Variants in GNRHR observed in about 807,000 individuals in gnomAD.
GNRHR encodes gonadotropin-releasing hormone receptor.
In GNRHR, 14 loss-of-function variants were observed where a neutral mutation model predicts 28.1. The ratio of observed to expected loss-of-function variants is 0.50; its 90% CI spans 0.33 to 0.78. GNRHR has a LOEUF of 0.78. Ranked by LOEUF, GNRHR falls within the 30% of genes least tolerant of loss-of-function variation. GNRHR has a pLI of 0.02. For missense variants in GNRHR, 366 were observed against 382.1 expected (o/e 0.96, Z 0.35); for synonymous variants, 141 against 140.5 (o/e 1.00, Z -0.02).
intron 2 of GNRHR, among the ~76,000 whole-genome samples, chr4:67,741,838 T>G (rs1731666833): frequency 6.6e-6 from 1 of 152,208 alleles, no homozygotes; most frequent in Non-Finnish European, 1.5e-5. Flanking sequence ...TCTTGGCCAT[T>G]TGTATATCTT....
intron 2 of GNRHR, among the ~76,000 whole-genome samples, chr4:67,744,095 T>A (rs2319661): frequency 0.027 from 4,103 of 152,334 alleles, 94 homozygotes; most frequent in East Asian, 0.11. Context: ...GAAATAATCA[T>A]TTACATAGTC....
intron 1 of GNRHR, among the ~76,000 whole-genome samples, chr4:67,749,959 C>T (rs1307024978): frequency 6.6e-6 from 1 of 152,010 alleles, no homozygotes; most frequent in African/African-American, 2.4e-5. Context: ...TGTACTTTTT[C>T]TTTCCTGACT....
chr4:67,740,658 A>G lies in GNRHR; in HGVS notation c.809T>C (p.Val270Ala). The change falls in exon 3 of 3, where the codon GTT becomes GCT. Residue 270 changes from valine to alanine, a missense_variant. Coordinates refer to ENST00000226413, the MANE Select transcript of GNRHR (RefSeq NM_000406.3). ...GACAGTAAATGAAGTGGCAAATGCA[A>G]CCGTCATTTTTAGAGTCTTCAGCCG... is the stretch of plus-strand genomic sequence containing the variant. The part of the protein sequence containing the change: ...RARLKTLKMT[V>A]AFATSFTVCW... The G allele has an allele frequency of 2.5e-6, 4 of 1,605,950 alleles. No homozygotes were observed. Among genetic ancestry groups the G allele is most frequent in the South Asian group, 1.1e-5 (1 of 90,948 alleles).
At chr4:67,741,046 A>C (rs1239985641) in intron 2 of GNRHR, among the ~76,000 whole-genome samples, 1 of 152,086 alleles carries the variant, frequency 6.6e-6, no homozygotes, top group Non-Finnish European at 1.5e-5. Context: ...CTTTCTTAAA[A>C]AAATTATTTT....
Position 67,744,741 on chromosome 4 carries a change from G to T in GNRHR, c.569C>A (p.Thr190Lys). The change falls in exon 2 of 3, where the codon ACA (threonine) becomes AAA (lysine). Residue 190 changes from threonine to lysine, a missense_variant. Thr to Lys is a moderately conservative substitution (Grantham distance 78). Coordinates refer to ENST00000226413, the MANE Select transcript of GNRHR (RefSeq NM_000406.3). ...TGTTACACATTGAGAGAAAACTTTT[G>T]TCTGTCCAGAGCTGTCTGCTAGATG... Reference protein sequence around the residue: ...MIHLADSSGQTKVFSQCVTHC... With the variant: ...MIHLADSSGQKKVFSQCVTHC... 1 of 1,608,552 alleles carries T rather than the reference G, an allele frequency of 6.2e-7. No homozygotes were observed. The highest frequency in any genetic ancestry group is 1.3e-5 in the African/African-American group (1 of 74,930).
At position 67,738,879 on chromosome 4, in the gene GNRHR, C is replaced by G. The variant is rs1025022848; in HGVS notation, c.*1601G>C. Reference sequence around the variant, plus strand: ...GTAGACAGAGGGAGTTCAATTGAGACAGAATTGGAAAGTAAGGTAGGATAT... The same window carrying G: ...GTAGACAGAGGGAGTTCAATTGAGAGAGAATTGGAAAGTAAGGTAGGATAT... On this transcript the variant is annotated 3_prime_UTR_variant, in exon 3 of 3. Transcript: ENST00000226413. 2.0e-5 allele frequency among the ~76,000 whole-genome samples: 3 copies of G among 151,528 alleles called. No individual in the cohort carries two copies. The highest frequency in any genetic ancestry group is 7.3e-5 in the African/African-American group (3 of 41,300).
At chr4:67,746,751 A>G (rs1731761595) in intron 1 of GNRHR, among the ~76,000 whole-genome samples, 1 of 151,956 alleles carries the variant, frequency 6.6e-6, no homozygotes, top group South Asian at 2.1e-4. Context: ...TTTTTTTTTA[A>G]AAGGCATACT....
Position 67,739,449 on chromosome 4 carries a change from C to T in GNRHR, c.*1031G>A, listed in dbSNP as rs1577865110. The T allele has an allele frequency of 2.0e-5, 3 of 152,134 alleles. No individual in the cohort carries two copies. Among genetic ancestry groups the T allele is most frequent in the Non-Finnish European group, 4.4e-5 (3 of 67,926 alleles). 9.4% of individuals were successfully genotyped at this position (152,134 alleles called of 1,614,324 possible). On this transcript the variant is annotated 3_prime_UTR_variant, in exon 3 of 3. Transcript: ENST00000226413. ...TAAGAAACCCTGCATCAAGATCTTTCCCTCCTTCCCCTGACATGTTCTGTC... is the reference window on the plus strand; with the variant it reads ...TAAGAAACCCTGCATCAAGATCTTTTCCTCCTTCCCCTGACATGTTCTGTC...
rs1731565715 is a variant in GNRHR at position 67,737,333 on chromosome 4, T to C, written c.*3147A>G. Among the ~76,000 whole-genome samples, 1 of 152,076 alleles carries C rather than the reference T, an allele frequency of 6.6e-6. No homozygotes were observed. The highest frequency in any genetic ancestry group is 1.5e-5 in the Non-Finnish European group (1 of 67,954). The stretch of plus-strand genomic sequence containing the variant: ...GACTAATTGTTTTAAACTTGATTCC[T>C]AATAATCATAAAAATGATAAGCAAG... On this transcript the variant is annotated 3_prime_UTR_variant, in exon 3 of 3. Coordinates refer to ENST00000226413, the MANE Select transcript of GNRHR (RefSeq NM_000406.3).
intron 1 of GNRHR, among the ~76,000 whole-genome samples, chr4:67,753,297 T>G: frequency 6.6e-6 from 1 of 152,210 alleles, no homozygotes; most frequent in East Asian, 1.9e-4. Context: ...CAAAGAATAA[T>G]TCTCTCTAAG....
Position 67,739,577 on chromosome 4 carries a change from A to G in GNRHR, c.*903T>C, listed in dbSNP as rs916397894. ...GCATTTGCTTAATTTTGTTTTAATT[A>G]TTCTCAGTTATTTATGAAATATGGA... On this transcript the variant is annotated 3_prime_UTR_variant, in exon 3 of 3. Coordinates refer to ENST00000226413, the MANE Select transcript of GNRHR (RefSeq NM_000406.3). 2.0e-5 allele frequency: 3 copies of G among 152,040 alleles called. No individual in the cohort carries two copies. The highest frequency in any genetic ancestry group is 7.2e-5 in the African/African-American group (3 of 41,446). 9.4% of individuals were successfully genotyped at this position (152,040 alleles called of 1,614,324 possible). A position where few individuals can be genotyped will look rare whatever the true frequency, so the allele number is the denominator to read the frequency against.
rs531631490 is a variant in GNRHR, at chr4:67,748,690, C to T, written c.523-3903G>A. Among the ~76,000 whole-genome samples the T allele has an allele frequency of 9.3e-4, 139 of 149,860 alleles. 1 individual carries two copies. Among genetic ancestry groups the T allele is most frequent in the African/African-American group, 3.1e-3 (126 of 40,846 alleles). ...ATGTAACAAACCTGCACGTTGTGCACGTGTACCCTAAAACTTAAAGTATAA... is the reference window on the plus strand; with the variant it reads ...ATGTAACAAACCTGCACGTTGTGCATGTGTACCCTAAAACTTAAAGTATAA... On this transcript the variant is annotated intron_variant, in intron 1 of 2. Transcript: ENST00000226413.
chr4:67,748,413 T>A (rs900818292), intron 1 of GNRHR, among the ~76,000 whole-genome samples: 1 of 152,140 alleles, frequency 6.6e-6, no homozygotes, highest in Non-Finnish European at 1.5e-5. Context: ...TAATTAAAAC[T>A]TGAGGCACAC....
chr4:67,743,682 C>T (rs1731703693), intron 2 of GNRHR, among the ~76,000 whole-genome samples: 1 of 152,066 alleles, frequency 6.6e-6, no homozygotes, highest in Admixed American at 6.5e-5. Context: ...TGAGATCCAC[C>T]TTCTTATTTT....
In GNRHR at chr4:67,738,105, G is replaced by A. The variant is rs1026209627; in HGVS notation, c.*2375C>T. Among the ~76,000 whole-genome samples the A allele has an allele frequency of 4.0e-5, 6 of 151,560 alleles. No individual in the cohort carries two copies. The highest frequency in any genetic ancestry group is 5.9e-5 in the Non-Finnish European group (4 of 67,752). ...TTTTTTATTACATATTGAACCTTAA[G>A]AGAGTTTGTTGGTTTGAAAACAATA... is the stretch of plus-strand genomic sequence containing the variant. On this transcript the variant is annotated 3_prime_UTR_variant, in exon 3 of 3. Transcript: ENST00000226413.
rs879133710 is a variant in GNRHR at position 67,739,191 on chromosome 4, A to G, written c.*1289T>C. 9 of 151,898 alleles carry G rather than the reference A, an allele frequency of 5.9e-5. No homozygotes were observed. Among genetic ancestry groups the G allele is most frequent in the Admixed American group, 5.9e-4 (9 of 15,226 alleles). The allele number at this position is 151,898 out of a possible 1,614,324, so 9.4% of individuals were successfully genotyped here. A position where few individuals can be genotyped will look rare whatever the true frequency, so the allele number is the denominator to read the frequency against. ...TTATTTTCATCCCTTTCCATTTTTCATGGAAGAGGTAGACACAAGCCTGAA... is the reference window on the plus strand; with the variant it reads ...TTATTTTCATCCCTTTCCATTTTTCGTGGAAGAGGTAGACACAAGCCTGAA... On this transcript the variant is annotated 3_prime_UTR_variant, in exon 3 of 3. Coordinates refer to ENST00000226413, the MANE Select transcript of GNRHR (RefSeq NM_000406.3).
At position 67,737,655 on chromosome 4, in the gene GNRHR, A is replaced by G. The variant is rs1731572963; in HGVS notation, c.*2825T>C. 6.6e-6 allele frequency among the ~76,000 whole-genome samples: 1 copy of G among 151,942 alleles called. No homozygotes were observed. Among genetic ancestry groups the G allele is most frequent in the Non-Finnish European group, 1.5e-5 (1 of 67,854 alleles). ...GTATTTTTTTAGCTACTATATTTCTATATTTCTGTTGAATAGGCTTAAATT... is the reference window on the plus strand; with the variant it reads ...GTATTTTTTTAGCTACTATATTTCTGTATTTCTGTTGAATAGGCTTAAATT... On this transcript the variant is annotated 3_prime_UTR_variant, in exon 3 of 3. Transcript: ENST00000226413.
At chr4:67,741,672 G>GT (rs1731663493) in intron 2 of GNRHR, among the ~76,000 whole-genome samples, 1 of 152,172 alleles carries the variant, frequency 6.6e-6, no homozygotes, top group Non-Finnish European at 1.5e-5. Context: ...CACCAACAGT[G>GT]TAAAAGTGTT....
intron 1 of GNRHR, among the ~76,000 whole-genome samples, chr4:67,752,463 T>A (rs1269895106): frequency 6.6e-6 from 1 of 151,850 alleles, no homozygotes; most frequent in African/African-American, 2.4e-5. Context: ...GCTCAAGTGA[T>A]CCTCCCACCA....
Sources: gnomAD v4.1 joint callset for allele counts (sites outside exome capture counted in the v4.1 genomes callset) on GRCh38, gnomAD v4.1.1 for gene constraint, MANE v1.5 for transcripts, NCBI Gene and HGNC (gene_info 2026-07-23, HGNC 2026-07-21) for gene names.